Variants in OGDHL observed in about 807,000 individuals in gnomAD.
OGDHL encodes 2-oxoglutarate dehydrogenase-like, mitochondrial.
Under a neutral mutation model 109.6 loss-of-function variants are expected in OGDHL, and 79 were observed. The observed-to-expected ratio is 0.72, with a 90% confidence interval of 0.60 to 0.87. The LOEUF (loss-of-function observed/expected upper bound fraction) is 0.87. Ranked by LOEUF, OGDHL falls within the 40% of genes least tolerant of loss-of-function variation. The pLI is 0.00. For synonymous variants in OGDHL, 528 were observed against 537.2 expected (o/e 0.98, Z 0.24); for missense variants, 1,275 against 1,362.2 (o/e 0.94, Z 1.01).
intron 6 of OGDHL, among the ~76,000 whole-genome samples, 191 bp from the exon 7 acceptor site, chr10:49,751,176 G>T (rs1842564415): frequency 6.6e-6 from 1 of 152,026 alleles, no homozygotes; most frequent in African/African-American, 2.4e-5. Context: ...GGAACACAGG[G>T]TTAGGGGAGG....
At chr10:49,758,766 T>G (rs1843078146) in intron 1 of OGDHL, 173 bp from the exon 2 acceptor site, 1 of 665,526 alleles carries the variant, frequency 1.5e-6, no homozygotes, top group African/African-American at 1.8e-5. Context: ...GGGCTTACTG[T>G]CTGGTGGAAG....
intron 8 of OGDHL, among the ~76,000 whole-genome samples, chr10:49,747,965 A>G (rs566950780): frequency 2.0e-5 from 3 of 152,320 alleles, no homozygotes; most frequent in African/African-American, 7.2e-5. Flanking sequence ...TTACAACAAA[A>G]TCCTCTTTTG....
chr10:49,757,614 T>C (rs1350198080), intron 2 of OGDHL, among the ~76,000 whole-genome samples: 1 of 152,184 alleles, frequency 6.6e-6, no homozygotes, highest in Non-Finnish European at 1.5e-5. Flanking sequence ...ATGAACCAGA[T>C]GTCCATCAGC....
chr10:49,754,400 C>A (rs1564556368), intron 3 of OGDHL, among the ~76,000 whole-genome samples: 1 of 152,090 alleles, frequency 6.6e-6, no homozygotes, highest in Non-Finnish European at 1.5e-5. Context: ...TTGGAGTGTG[C>A]TAGGGAATCA....
chr10:49,750,597 C>T (rs1462504505), intron 7 of OGDHL, among the ~76,000 whole-genome samples: 1 of 152,230 alleles, frequency 6.6e-6, no homozygotes, highest in African/African-American at 2.4e-5. Flanking sequence ...ACAGAGGCAA[C>T]ATGGCCAGGG....
chr10:49,747,092 G>A lies in OGDHL; in HGVS notation c.1104C>T (p.Asp368=), dbSNP rs749550875. 12 of 1,614,078 alleles carry A rather than the reference G, an allele frequency of 7.4e-6. No individual in the cohort carries two copies. The highest frequency in any genetic ancestry group is 9.3e-6 in the Non-Finnish European group (11 of 1,180,018). Reference sequence around the variant, plus strand: ...CCTTTGTCTTCCCCTGCACCACAGGGTCCACTGCCTCCAGGTGGGAGGGGT... The same window carrying A: ...CCTTTGTCTTCCCCTGCACCACAGGATCCACTGCCTCCAGGTGGGAGGGGT... ...VANPSHLEAV[D]PVVQGKTKAE... Residue 368 remains aspartate (D), a synonymous_variant, in exon 9 of 23, where the codon GAC becomes GAT. Transcript: ENST00000374103.
rs929122647 is a variant in OGDHL, at chr10:49,751,946, C to A, written c.630G>T (p.Met210Ile). ...TYCQHIGLEF[M>I]FINDVEQCQW... ...GGCACTGCTCCACATCGTTGATGAA[C>A]ATGAACTCCAGGCCAATGTGCTGGC... The change falls in exon 6 of 23, where the codon ATG becomes ATT. Residue 210 changes from methionine to isoleucine, a missense_variant. Met to Ile is a conservative substitution (Grantham distance 10). Coordinates refer to ENST00000374103, the MANE Select transcript of OGDHL (RefSeq NM_018245.3). The A allele has an allele frequency of 6.2e-7, 1 of 1,614,202 alleles. No homozygotes were observed. The highest frequency in any genetic ancestry group is 2.2e-5 in the East Asian group (1 of 44,884).
chr10:49,745,819 G>A lies in OGDHL; in HGVS notation c.1455C>T (p.Asn485=). ...CCACCAGGTCCACGACAACATCTTT[G>A]TTGAAAGTGTTTCTCCATTCGGCTG... ...SVAAEWRNTF[N]KDVVVDLVCY... The change falls in exon 11 of 23, where the codon AAC becomes AAT. Residue 485 remains asparagine (N), a synonymous_variant. Transcript: ENST00000374103. 6.2e-7 allele frequency: 1 copy of A among 1,614,142 alleles called. No homozygotes were observed. Among genetic ancestry groups the A allele is most frequent in the Non-Finnish European group, 8.5e-7 (1 of 1,180,014 alleles).
At chr10:49,749,480 C>T (rs1209467121) in intron 8 of OGDHL, among the ~76,000 whole-genome samples, 1 of 152,158 alleles carries the variant, frequency 6.6e-6, no homozygotes, top group Non-Finnish European at 1.5e-5. Flanking sequence ...TTCAGTTTCC[C>T]TAGCTCAAAA....
At chr10:49,752,590 G>T (rs1842677891) in intron 4 of OGDHL, 48 bp downstream of exon 4, 1 of 1,525,792 alleles carries the variant, frequency 6.6e-7, no homozygotes, top group African/African-American at 1.4e-5. Flanking sequence ...GCCCCTTACT[G>T]GGCCACCCAC....
chr10:49,742,878 T>C lies in OGDHL; in HGVS notation c.1962A>G (p.Glu654=), dbSNP rs751773223. The change falls in exon 15 of 23, where the codon GAA becomes GAG. Residue 654 remains glutamate (E), a synonymous_variant. Coordinates refer to ENST00000374103, the MANE Select transcript of OGDHL (RefSeq NM_018245.3). ...GCCCGCTGAGCCGCACGTGGATGCC[T>C]TCCTTCAGCAGGGAGCCAAAGGCCA... ...EYMAFGSLLK[E]GIHVRLSGQD... is the part of the protein sequence containing the mutation. The C allele has an allele frequency of 6.2e-7, 1 of 1,614,026 alleles. No homozygotes were observed. The highest frequency in any genetic ancestry group is 2.2e-5 in the East Asian group (1 of 44,894).
In OGDHL at chr10:49,740,807, C is replaced by T. The variant is rs762256975; in HGVS notation, c.2043G>A (p.Glu681=). ...SHRHHVLHDQ[E]VDRRTCVPMN... ...TAGGCACACACGTCCTGCGGTCAACCTCCTGGTCATGGAGAACATGGTGCC... is the reference window on the plus strand; with the variant it reads ...TAGGCACACACGTCCTGCGGTCAACTTCCTGGTCATGGAGAACATGGTGCC... The change falls in exon 16 of 23, where the codon GAG becomes GAA. Residue 681 remains glutamate (E), a synonymous_variant. Coordinates refer to ENST00000374103, the MANE Select transcript of OGDHL (RefSeq NM_018245.3). 6.2e-7 allele frequency: 1 copy of T among 1,613,828 alleles called. No individual in the cohort carries two copies. Among genetic ancestry groups the T allele is most frequent in the African/African-American group, 1.3e-5 (1 of 74,926 alleles).
rs777997434 is a variant in OGDHL at position 49,736,046 on chromosome 10, G to C, written c.2886C>G (p.Ile962Met). Residue 962 changes from isoleucine to methionine, a missense_variant, in exon 22 of 23, where the codon ATC becomes ATG. Coordinates refer to ENST00000374103, the MANE Select transcript of OGDHL (RefSeq NM_018245.3). Reference sequence around the variant, plus strand: ...ACCATATGGGCCGTGCGCGCCTCAGGATGGTCATGAAGCGTGGGCTGATGT... The same window carrying C: ...ACCATATGGGCCGTGCGCGCCTCAGCATGGTCATGAAGCGTGGGCTGATGT... ...YDYISPRFMT[I>M]LRRARPIWYV... The C allele has an allele frequency of 6.3e-7, 1 of 1,598,614 alleles. No individual in the cohort carries two copies. Among genetic ancestry groups the C allele is most frequent in the Non-Finnish European group, 8.5e-7 (1 of 1,172,888 alleles).
chr10:49,759,107 T>G (rs188778671), intron 1 of OGDHL, among the ~76,000 whole-genome samples: 2 of 151,968 alleles, frequency 1.3e-5, no homozygotes, highest in Non-Finnish European at 1.5e-5. Context: ...AGCACAGGTG[T>G]CGGGGGTGAT....
At chr10:49,745,566 G>T in intron 11 of OGDHL, 70 bp from the exon 12 acceptor site, 1 of 1,589,278 alleles carries the variant, frequency 6.3e-7, no homozygotes. Context: ...CTGCAAAATT[G>T]GGGAATATCT....
chr10:49,748,521 T>C (rs1422055229), intron 8 of OGDHL, among the ~76,000 whole-genome samples: 1 of 152,332 alleles, frequency 6.6e-6, no homozygotes, highest in Non-Finnish European at 1.5e-5. Context: ...ATCAAATTTC[T>C]TTTTCAGTTG....
chr10:49,758,990 A>C lies in OGDHL; in HGVS notation c.-1-397T>G, dbSNP rs144810887. On this transcript the variant is annotated intron_variant, in intron 1 of 22. Transcript: ENST00000374103. ...GGCAGGTGCAGGGAGTACCACCAAGAAGGAGTGGGTCTCAGGCCCACCACC... is the reference window on the plus strand; with the variant it reads ...GGCAGGTGCAGGGAGTACCACCAAGCAGGAGTGGGTCTCAGGCCCACCACC... Among the ~76,000 whole-genome samples the C allele has an allele frequency of 9.2e-5, 14 of 152,066 alleles. No individual in the cohort carries two copies. The East Asian group carries it at 2.5e-3, about 27-fold the overall frequency.
intron 1 of OGDHL, among the ~76,000 whole-genome samples, chr10:49,759,810 G>A (rs1843156924): frequency 6.6e-6 from 1 of 152,202 alleles, no homozygotes; most frequent in Admixed American, 6.5e-5. Flanking sequence ...CACCCCACAA[G>A]GGGTCGCCCA....
At chr10:49,756,243 T>C (rs1442804544) in intron 3 of OGDHL, among the ~76,000 whole-genome samples, 3 of 152,210 alleles carry the variant, frequency 2.0e-5, no homozygotes, top group Admixed American at 6.5e-5. Context: ...TAGTCCTGTC[T>C]GGTCAAGACC....
Sources: allele counts gnomAD v4.1 joint callset (sites outside exome capture counted in the v4.1 genomes callset), GRCh38; gene constraint gnomAD v4.1.1; transcripts MANE v1.5; gene names NCBI Gene and HGNC (gene_info 2026-07-23, HGNC 2026-07-21).